The following ARHGAP8 variants were observed in gnomAD, a reference collection of about 807,000 sequenced individuals.
ARHGAP8 encodes Rho GTPase activating protein 8.
Under a neutral mutation model 46.1 loss-of-function variants are expected in ARHGAP8, and 62 were observed. The ratio of observed to expected loss-of-function variants is 1.34; its 90% CI spans 1.10 to 1.66. ARHGAP8 has a LOEUF of 1.66. Ranked by LOEUF, ARHGAP8 falls within the 40% of genes most tolerant of loss-of-function variation. The pLI is 0.00. For synonymous variants in ARHGAP8, 375 were observed against 243.1 expected (o/e 1.54, Z -5.05); for missense variants, 923 against 568.4 (o/e 1.62, Z -6.34).
In ARHGAP8 at chr22:44,862,595, G is replaced by C. The variant is rs756553478; in HGVS notation, c.1302G>C (p.Ter434TyrextTer33). Residue 434 changes from the stop codon to tyrosine (Y), a stop_lost, in exon 12 of 12, where the codon TAG (stop) becomes TAC (tyrosine). Coordinates refer to ENST00000356099, the MANE Select transcript of ARHGAP8 (RefSeq NM_181335.3). ...TGATGGCAGCCAGAAGACGTCTCTA[G>C]TGTTGCGAACACTCTGTATATTTCG... ...SPLMAARRRL[*>Y] The C allele has an allele frequency of 1.3e-6, 2 of 1,569,016 alleles. No individual in the cohort carries two copies. Among genetic ancestry groups the C allele is most frequent in the Non-Finnish European group, 8.7e-7 (1 of 1,154,008 alleles).
chr22:44,786,666 CT>C, intron 2 of ARHGAP8, 60 bp downstream of exon 2: 2 of 1,557,016 alleles, frequency 1.3e-6, no homozygotes, highest in Non-Finnish European at 1.7e-6. Flanking sequence ...CTCTCGGCAA[CT>C]TTGAGGCAAA....
intron 9 of ARHGAP8, among the ~76,000 whole-genome samples, chr22:44,848,596 G>T (rs1027482725): frequency 6.6e-6 from 1 of 152,240 alleles, no homozygotes; most frequent in Non-Finnish European, 1.5e-5. Flanking sequence ...AGGCCTGCCT[G>T]TCTCAGGCCC....
intron 10 of ARHGAP8, chr22:44,851,068 CTT>C (rs1280870051): frequency 2.6e-5 from 4 of 151,948 alleles, no homozygotes; most frequent in Non-Finnish European, 4.4e-5. Context: ...AGAGCCATCT[CTT>C]TGAAATGAAA....
At chr22:44,806,305 T>A (rs547521398) in intron 3 of ARHGAP8, among the ~76,000 whole-genome samples, 5 of 152,300 alleles carry the variant, frequency 3.3e-5, no homozygotes, top group African/African-American at 1.2e-4. Context: ...GACAGCACTC[T>A]GGAAAATGAG....
At chr22:44,786,283 G>A (rs1000182920) in intron 1 of ARHGAP8, among the ~76,000 whole-genome samples, 174 bp from the exon 2 acceptor site, 9 of 151,392 alleles carry the variant, frequency 5.9e-5, no homozygotes, top group East Asian at 1.9e-4. Context: ...GAGGCAGGGC[G>A]CCTAGTGGGT....
chr22:44,795,040 C>CAA (rs36122461), intron 2 of ARHGAP8, among the ~76,000 whole-genome samples: 24,462 of 111,296 alleles, frequency 0.22, 2,322 homozygotes, highest in East Asian at 0.47. Flanking sequence ...AACTCTGTCT[C>CAA]AAAAAAAAAA....
At chr22:44,771,290 A>T (rs1602152069) in intron 1 of ARHGAP8, among the ~76,000 whole-genome samples, 1 of 117,796 alleles carries the variant, frequency 8.5e-6, no homozygotes, top group East Asian at 2.9e-4. Flanking sequence ...TCTGTCGCCC[A>T]GGCTGGAGTG....
chr22:44,843,528 GTATTA>G (rs1931784212), intron 7 of ARHGAP8, among the ~76,000 whole-genome samples: 2 of 152,136 alleles, frequency 1.3e-5, no homozygotes, highest in South Asian at 2.1e-4. Flanking sequence ...ACTGGATAAT[GTATTA>G]TATTATAAAG....
At chr22:44,859,530 C>T (rs2070360038) in intron 10 of ARHGAP8, 3 of 598,022 alleles carry the variant, frequency 5.0e-6, no homozygotes, top group Non-Finnish European at 8.9e-6. Flanking sequence ...TAAATAACCC[C>T]ATCTCAGCAA....
chr22:44,805,765 G>T (rs1928878769), intron 3 of ARHGAP8, among the ~76,000 whole-genome samples: 1 of 152,118 alleles, frequency 6.6e-6, no homozygotes, highest in African/African-American at 2.4e-5. Flanking sequence ...CTTCTCCGCA[G>T]CCTTTATGAA....
rs554177486 is a variant in ARHGAP8 at position 44,823,980 on chromosome 22, T to C, written c.486-1503T>C. On this transcript the variant is annotated intron_variant, in intron 6 of 11. Coordinates refer to ENST00000356099, the MANE Select transcript of ARHGAP8 (RefSeq NM_181335.3). ...AGCCGGCACCCCTGTTCCATAGCCA[T>C]GCAGCAGAACCCCAGAGGACACGTC... 2.6e-5 allele frequency among the ~76,000 whole-genome samples: 4 copies of C among 152,250 alleles called. No homozygotes were observed. The East Asian group carries it at 5.8e-4, about 22-fold the overall frequency.
chr22:44,861,214 C>T (rs1049966769), intron 11 of ARHGAP8, among the ~76,000 whole-genome samples: 10 of 152,220 alleles, frequency 6.6e-5, no homozygotes, highest in African/African-American at 2.2e-4. Flanking sequence ...TCAGGTGATC[C>T]ACCTGCCTCG....
At chr22:44,801,831 C>G (rs574322147) in intron 2 of ARHGAP8, 2 of 544,760 alleles carry the variant, frequency 3.7e-6, no homozygotes, top group South Asian at 4.5e-5. Context: ...TGCTGGGCCT[C>G]GGTTTTCTAT....
chr22:44,756,974 A>G (rs1227403393), intron 1 of ARHGAP8, among the ~76,000 whole-genome samples: 1 of 152,062 alleles, frequency 6.6e-6, no homozygotes, highest in Admixed American at 6.6e-5. Context: ...CTCAGACTAG[A>G]GTGTGATTAT....
chr22:44,859,109 C>T (rs187478601), intron 10 of ARHGAP8, among the ~76,000 whole-genome samples: 3 of 152,234 alleles, frequency 2.0e-5, no homozygotes, highest in African/African-American at 4.8e-5. Context: ...TAAAGTGATT[C>T]GGCTTTAGCA....
intron 1 of ARHGAP8, among the ~76,000 whole-genome samples, chr22:44,770,811 C>T (rs185611827): frequency 2.8e-4 from 42 of 152,306 alleles, no homozygotes; most frequent in Admixed American, 2.7e-3. Flanking sequence ...TAGGTCTTTG[C>T]AGAATTCAGA....
chr22:44,755,930 A>G (rs1038086440), intron 1 of ARHGAP8, among the ~76,000 whole-genome samples: 3 of 152,100 alleles, frequency 2.0e-5, no homozygotes, highest in African/African-American at 7.2e-5. Flanking sequence ...GGGCCATGTC[A>G]TTACCGACTC....
At chr22:44,764,745 T>C (rs757417498) in intron 1 of ARHGAP8, among the ~76,000 whole-genome samples, 3 of 152,202 alleles carry the variant, frequency 2.0e-5, no homozygotes, top group Non-Finnish European at 4.4e-5. Context: ...GAAACCTGAG[T>C]GTGCGGAAAA....
chr22:44,841,739 C>A (rs1931665721), intron 7 of ARHGAP8, among the ~76,000 whole-genome samples: 1 of 152,218 alleles, frequency 6.6e-6, no homozygotes, highest in Non-Finnish European at 1.5e-5. Flanking sequence ...ATGCCATTCT[C>A]AGGGTGGGGA....
Sources: gnomAD v4.1 joint callset for allele counts (sites outside exome capture counted in the v4.1 genomes callset) on GRCh38, gnomAD v4.1.1 for gene constraint, MANE v1.5 for transcripts, NCBI Gene and HGNC (gene_info 2026-07-23, HGNC 2026-07-21) for gene names.